The following PCDH15 variants were observed in gnomAD, a reference collection of about 807,000 sequenced individuals.
PCDH15 encodes the protein protocadherin-15.
In PCDH15, 129 loss-of-function variants were observed where a neutral mutation model predicts 178.5. That is an observed-to-expected ratio of 0.72 (90% CI 0.63 to 0.84). The LOEUF is 0.84. Among genes scored for constraint, PCDH15 ranks in the 40% least tolerant of loss-of-function variants. The pLI is 0.00. For synonymous variants in PCDH15, 800 were observed against 732.0 expected (o/e 1.09, Z -1.50); for missense variants, 2,230 against 2,099.9 (o/e 1.06, Z -1.21).
intron 1 of PCDH15, among the ~76,000 whole-genome samples, chr10:54,720,828 T>A (rs936622528): frequency 1.3e-5 from 2 of 152,044 alleles, no homozygotes; most frequent in Non-Finnish European, 2.9e-5. Context: ...ACCACTAGAC[T>A]GATCACTGAA....
At chr10:54,015,427 A>G (rs2660139) in intron 20 of PCDH15, among the ~76,000 whole-genome samples, 116,111 of 152,032 alleles carry the variant, frequency 0.76, 44,614 homozygotes, top group Middle Eastern at 0.86. Flanking sequence ...AACCAAAAAT[A>G]AGCTTGAATA....
intron 3 of PCDH15, among the ~76,000 whole-genome samples, chr10:54,445,812 TTG>T (rs2076109420): frequency 1.3e-5 from 2 of 151,636 alleles, no homozygotes. Context: ...TTGACTTTAT[TTG>T]TGTTTTTAGT....
chr10:55,463,076 T>C (rs1049001291), intron 2 of PCDH15, among the ~76,000 whole-genome samples: 159 of 129,636 alleles, frequency 1.2e-3, no homozygotes, highest in Admixed American at 1.2e-3. Flanking sequence ...AAATAAAATA[T>C]AGGAAAGGTC....
chr10:54,713,745 CTTAT>C (rs781229453), intron 1 of PCDH15, among the ~76,000 whole-genome samples: 7 of 152,064 alleles, frequency 4.6e-5, no homozygotes, highest in Non-Finnish European at 8.8e-5. Flanking sequence ...TTACAGGTAT[CTTAT>C]TTATTTAAAA....
intron 21 of PCDH15, among the ~76,000 whole-genome samples, chr10:53,969,559 G>A (rs891097220): frequency 1.1e-4 from 17 of 152,180 alleles, no homozygotes; most frequent in African/African-American, 3.9e-4. Flanking sequence ...ATGATTGTCA[G>A]ATTCACCAAA....
At chr10:54,821,836 G>A (rs1370120587) in intron 3 of PCDH15, among the ~76,000 whole-genome samples, 1 of 151,964 alleles carries the variant, frequency 6.6e-6, no homozygotes, top group African/African-American at 2.4e-5. Context: ...AGATTTTGGA[G>A]GAATTTTTTT....
At chr10:54,578,934 G>C (rs1161352094) in intron 2 of PCDH15, among the ~76,000 whole-genome samples, 1 of 152,002 alleles carries the variant, frequency 6.6e-6, no homozygotes, top group African/African-American at 2.4e-5. Flanking sequence ...GTATTTTCTA[G>C]ACAAGCAACT....
intron 8 of PCDH15, among the ~76,000 whole-genome samples, chr10:54,279,063 AT>A (rs1564849424): frequency 6.6e-6 from 1 of 151,608 alleles, no homozygotes. Flanking sequence ...TATTCCTGTT[AT>A]TGTCTCACTG....
chr10:54,397,168 A>G (rs79247602), intron 3 of PCDH15, among the ~76,000 whole-genome samples: 3,777 of 152,056 alleles, frequency 0.025, 158 homozygotes, highest in African/African-American at 0.085. Flanking sequence ...AAAATTTTCC[A>G]TTGTAAATTC....
At chr10:54,094,805 A>G (rs2094669647) in intron 15 of PCDH15, among the ~76,000 whole-genome samples, 1 of 152,184 alleles carries the variant, frequency 6.6e-6, no homozygotes, top group African/African-American at 2.4e-5. Context: ...TTTAAAAATC[A>G]AAGCAATTAC....
chr10:55,072,961 T>C (rs562422828), intron 2 of PCDH15, among the ~76,000 whole-genome samples: 157 of 152,032 alleles, frequency 1.0e-3, no homozygotes, highest in African/African-American at 3.5e-3. Context: ...AATCAATAAA[T>C]GTAATCCAGC....
chr10:53,860,964 C>T (rs1022793354), intron 27 of PCDH15, among the ~76,000 whole-genome samples: 4 of 152,042 alleles, frequency 2.6e-5, no homozygotes, highest in Non-Finnish European at 4.4e-5. Context: ...AGTTGTCCCA[C>T]ACTTACCTCT....
chr10:55,201,891 T>C (rs964002712), intron 1 of PCDH15, among the ~76,000 whole-genome samples: 3 of 152,158 alleles, frequency 2.0e-5, no homozygotes, highest in Non-Finnish European at 4.4e-5. Flanking sequence ...TTTTGCATAA[T>C]AAAAGGCCAG....
intron 1 of PCDH15, among the ~76,000 whole-genome samples, chr10:55,268,294 T>C (rs1256052704): frequency 6.6e-6 from 1 of 152,134 alleles, no homozygotes; most frequent in Non-Finnish European, 1.5e-5. Flanking sequence ...CATAGTAATA[T>C]CTGACTCCAG....
intron 26 of PCDH15, among the ~76,000 whole-genome samples, chr10:53,900,078 C>T (rs2082224720): frequency 6.6e-6 from 1 of 152,084 alleles, no homozygotes; most frequent in Non-Finnish European, 1.5e-5. Flanking sequence ...CTCCAGGAAA[C>T]CTTTATGTTC....
rs1328258798 is a variant in PCDH15, at chr10:54,076,828, T to C, written c.2091+2503A>G. ...AAAACGTGTATTCTCATGATCAAATTTTCAAACTCATCCTGGCAATTTGTT... is the reference window on the plus strand; with the variant it reads ...AAAACGTGTATTCTCATGATCAAATCTTCAAACTCATCCTGGCAATTTGTT... On this transcript the variant is annotated intron_variant, in intron 17 of 37. Coordinates refer to ENST00000644397, the MANE Select transcript of PCDH15 (RefSeq NM_001384140.1). 2.0e-5 allele frequency among the ~76,000 whole-genome samples: 3 copies of C among 152,200 alleles called. No homozygotes were observed. The East Asian group carries it at 5.8e-4, about 29-fold the overall frequency.
intron 29 of PCDH15, among the ~76,000 whole-genome samples, chr10:53,834,279 A>G (rs1206399765): frequency 1.3e-5 from 2 of 152,092 alleles, no homozygotes; most frequent in African/African-American, 4.8e-5. Flanking sequence ...CACACACACC[A>G]TTTCACCAAT....
chr10:54,460,697 T>C (rs2077112146), intron 3 of PCDH15, among the ~76,000 whole-genome samples: 1 of 152,086 alleles, frequency 6.6e-6, no homozygotes, highest in Non-Finnish European at 1.5e-5. Flanking sequence ...AACTTTCATC[T>C]CTCTGGCTTG....
chr10:55,180,729 A>G (rs1839626071), intron 1 of PCDH15, among the ~76,000 whole-genome samples: 1 of 152,196 alleles, frequency 6.6e-6, no homozygotes, highest in Non-Finnish European at 1.5e-5. Flanking sequence ...CAAAAATATC[A>G]TGAAATTAAA....
Sources: allele counts gnomAD v4.1 joint callset (sites outside exome capture counted in the v4.1 genomes callset), GRCh38; gene constraint gnomAD v4.1.1; transcripts MANE v1.5; gene names NCBI Gene and HGNC (gene_info 2026-07-23, HGNC 2026-07-21).